Variants in EIF2AK2 observed in about 807,000 individuals in gnomAD.
EIF2AK2 encodes interferon-induced, double-stranded RNA-activated protein kinase.
Under a neutral mutation model 70.5 loss-of-function variants are expected in EIF2AK2, and 40 were observed. The observed-to-expected ratio is 0.57, with a 90% confidence interval of 0.44 to 0.74. The LOEUF (loss-of-function observed/expected upper bound fraction) is 0.74, where lower values mean the gene tolerates loss of function less well. EIF2AK2 is among the 30% of genes least tolerant of loss of function. The probability of loss-of-function intolerance (pLI) is 0.00; values close to 1 mark genes in which losing one functional copy is unlikely to be tolerated. For synonymous variants in EIF2AK2, 198 were observed against 220.9 expected (o/e 0.90, Z 0.92); for missense variants, 555 against 644.3 (o/e 0.86, Z 1.50).
At chr2:37,123,715 G>A (rs1674634777) in intron 11 of EIF2AK2, among the ~76,000 whole-genome samples, 2 of 152,292 alleles carry the variant, frequency 1.3e-5, no homozygotes, top group South Asian at 4.1e-4. Context: ...TTCAATGTGT[G>A]GCAAATATAC....
rs1675652253 is a variant in EIF2AK2, at chr2:37,148,982, A to G, written c.-142T>C. On this transcript the variant is annotated 5_prime_UTR_variant, in exon 2 of 17. Coordinates refer to ENST00000233057, the MANE Select transcript of EIF2AK2 (RefSeq NM_001135651.3). ...ACTGCTAAAGTTTTGAGGTCATTAC[A>G]ATTTACAAATCCAGGAAGGCAAACT... 11 of 848,118 alleles carry G rather than the reference A, an allele frequency of 1.3e-5. No individual in the cohort carries two copies. The highest frequency in any genetic ancestry group is 2.3e-5 in the Non-Finnish European group (11 of 479,816). The allele number at this position is 848,118 out of a possible 1,614,324, so 52.5% of individuals were successfully genotyped here.
chr2:37,142,336 T>A (rs1242146112), intron 4 of EIF2AK2, among the ~76,000 whole-genome samples: 1 of 152,120 alleles, frequency 6.6e-6, no homozygotes, highest in Non-Finnish European at 1.5e-5. Flanking sequence ...TTTGGCCATA[T>A]TGCCCAGGCT....
chr2:37,139,178 G>A (rs1023768278), intron 6 of EIF2AK2, among the ~76,000 whole-genome samples: 6 of 151,852 alleles, frequency 4.0e-5, no homozygotes, highest in South Asian at 2.1e-4. Flanking sequence ...AGCCGGGCAC[G>A]GTAGCAGGCG....
chr2:37,136,874 A>C lies in EIF2AK2; in HGVS notation c.722+109T>G, dbSNP rs1199533147. On this transcript the variant is annotated intron_variant, in intron 9 of 16. Transcript: ENST00000233057. Reference sequence around the variant, plus strand: ...ATAGATTTCAAGCTTTCTGCTTCTGAAACTCTGCTCAAATAAGGGTGTACA... The same window carrying C: ...ATAGATTTCAAGCTTTCTGCTTCTGCAACTCTGCTCAAATAAGGGTGTACA... The C allele has an allele frequency of 1.3e-4, 132 of 1,027,794 alleles. 2 individuals are homozygous for C. In the East Asian group the frequency reaches 3.6e-3, roughly 28 times the overall value. The allele number at this position is 1,027,794 out of a possible 1,614,324, so 63.7% of individuals were successfully genotyped here.
intron 10 of EIF2AK2, among the ~76,000 whole-genome samples, chr2:37,130,854 T>C (rs539301448): frequency 1.3e-5 from 2 of 152,308 alleles, no homozygotes; most frequent in African/African-American, 4.8e-5. Flanking sequence ...TAGAACACTG[T>C]ATTCAACACA....
chr2:37,141,075 A>C (rs1488753608), intron 5 of EIF2AK2, among the ~76,000 whole-genome samples: 1 of 152,200 alleles, frequency 6.6e-6, no homozygotes, highest in African/African-American at 2.4e-5. Flanking sequence ...CTCATAGTCT[A>C]GGGCTAAAGC....
intron 12 of EIF2AK2, 76 bp downstream of exon 12, chr2:37,122,430 T>A: frequency 6.9e-7 from 1 of 1,450,052 alleles, no homozygotes. Context: ...TTAATAGCCT[T>A]ATCCAGTGGC....
At chr2:37,134,301 C>A (rs1172054023) in intron 10 of EIF2AK2, among the ~76,000 whole-genome samples, 5 of 152,196 alleles carry the variant, frequency 3.3e-5, no homozygotes, top group African/African-American at 1.2e-4. Flanking sequence ...ATTAAACACA[C>A]CCCACTTTTA....
chr2:37,145,141 G>GTTT (rs57402760), intron 4 of EIF2AK2, among the ~76,000 whole-genome samples: 3,335 of 128,968 alleles, frequency 0.026, 81 homozygotes, highest in Middle Eastern at 0.04. Flanking sequence ...GGTTTTGTGG[G>GTTT]TTTTTTTTTT....
chr2:37,143,497 A>G (rs973005897), intron 4 of EIF2AK2, among the ~76,000 whole-genome samples: 1 of 152,174 alleles, frequency 6.6e-6, no homozygotes, highest in East Asian at 1.9e-4. Flanking sequence ...CCAATCATGG[A>G]TCAAAAATAT....
At chr2:37,149,156 G>T in intron 1 of EIF2AK2, 133 bp from the exon 2 acceptor site, 1 of 983,792 alleles carries the variant, frequency 1.0e-6, no homozygotes, top group Non-Finnish European at 1.6e-6. Flanking sequence ...TCGATGCCTC[G>T]ATGAAGATTG....
intron 1 of EIF2AK2, among the ~76,000 whole-genome samples, chr2:37,155,036 G>C (rs1055723021): frequency 6.6e-6 from 1 of 151,392 alleles, no homozygotes; most frequent in Non-Finnish European, 1.5e-5. Flanking sequence ...TTTCTACTTG[G>C]ACTCACTCCC....
rs575148086 is a variant in EIF2AK2, at chr2:37,120,673, A to G, written c.1068-534T>C. The stretch of plus-strand genomic sequence containing the variant: ...TATTTGTTTAGCTAATTTATAAAAT[A>G]TGAGCTGGGCTGGGCACGGTGGCTC... On this transcript the variant is annotated intron_variant, in intron 12 of 16. Coordinates refer to ENST00000233057, the MANE Select transcript of EIF2AK2 (RefSeq NM_001135651.3). Among the ~76,000 whole-genome samples the G allele has an allele frequency of 6.7e-5, 10 of 149,950 alleles. No homozygotes were observed. The South Asian group carries it at 1.3e-3, about 20-fold the overall frequency.
intron 1 of EIF2AK2, among the ~76,000 whole-genome samples, chr2:37,151,888 A>G (rs1675754780): frequency 6.6e-6 from 1 of 152,220 alleles, no homozygotes; most frequent in Non-Finnish European, 1.5e-5. Context: ...ACCACGGTGA[A>G]ACCTCGTCTC....
intron 14 of EIF2AK2, among the ~76,000 whole-genome samples, chr2:37,112,592 C>A (rs1459746641): frequency 6.6e-6 from 1 of 152,116 alleles, no homozygotes; most frequent in Non-Finnish European, 1.5e-5. Flanking sequence ...GCAGGTCCTG[C>A]TGTTCAAATA....
intron 1 of EIF2AK2, among the ~76,000 whole-genome samples, chr2:37,154,680 C>T (rs1351992318): frequency 6.6e-6 from 1 of 152,110 alleles, no homozygotes; most frequent in Non-Finnish European, 1.5e-5. Context: ...CCTGCCTCAG[C>T]ATTCCGAGTA....
Position 37,099,249 on chromosome 2 carries a change from T to G in EIF2AK2, c.*8024A>C, listed in dbSNP as rs1406572826. 2 of 152,242 alleles carry G rather than the reference T, an allele frequency of 1.3e-5. No homozygotes were observed. The highest frequency in any genetic ancestry group is 2.9e-5 in the Non-Finnish European group (2 of 68,040). 9.4% of individuals were successfully genotyped at this position (152,242 alleles called of 1,614,324 possible). A position where few individuals can be genotyped will look rare whatever the true frequency, so the allele number is the denominator to read the frequency against. On this transcript the variant is annotated 3_prime_UTR_variant, in exon 17 of 17. Coordinates refer to ENST00000233057, the MANE Select transcript of EIF2AK2 (RefSeq NM_001135651.3). ...AAACATTTATTTCAAGTGTTATTTG[T>G]TAAACATTTAATTGTTGAGATTTGA...
At chr2:37,137,754 G>C (rs977696065) in intron 8 of EIF2AK2, among the ~76,000 whole-genome samples, 8 of 152,134 alleles carry the variant, frequency 5.3e-5, no homozygotes, top group African/African-American at 1.9e-4. Flanking sequence ...ATATAAGGAT[G>C]AGTGAGGAAA....
chr2:37,153,180 A>G (rs944365553), intron 1 of EIF2AK2, among the ~76,000 whole-genome samples: 1 of 151,742 alleles, frequency 6.6e-6, no homozygotes, highest in African/African-American at 2.4e-5. Flanking sequence ...GAAATGTACT[A>G]TTTTTCAATG....
Sources: gnomAD v4.1 joint callset for allele counts (sites outside exome capture counted in the v4.1 genomes callset) on GRCh38, gnomAD v4.1.1 for gene constraint, MANE v1.5 for transcripts, NCBI Gene and HGNC (gene_info 2026-07-23, HGNC 2026-07-21) for gene names.